The following PAX2 variants were observed in gnomAD, a reference collection of about 807,000 sequenced individuals.
PAX2 encodes paired box 2.
PAX2 carries 9 observed loss-of-function variants against 41.7 expected under a neutral mutation model. The observed-to-expected ratio is 0.22, with a 90% CI of 0.13 to 0.38. The LOEUF is 0.38. PAX2 is among the 10% of genes least tolerant of loss of function. The probability of loss-of-function intolerance (pLI) is 1.00; values close to 1 mark genes in which losing one functional copy is unlikely to be tolerated. For synonymous variants in PAX2, 221 were observed against 212.7 expected (o/e 1.04, Z -0.34); for missense variants, 418 against 531.6 (o/e 0.79, Z 2.10).
chr10:100,745,060 T>C (rs1056593742), upstream of PAX2, among the ~76,000 whole-genome samples: 27 of 141,640 alleles, frequency 1.9e-4, no homozygotes, highest in African/African-American at 6.8e-4. Flanking sequence ...GGTGGTGGGG[T>C]TGGGGCTAGG....
chr10:100,800,616 C>A (rs975008523), intron 5 of PAX2, among the ~76,000 whole-genome samples: 2 of 152,212 alleles, frequency 1.3e-5, no homozygotes, highest in African/African-American at 4.8e-5. Flanking sequence ...CCAACTGTCT[C>A]TTGTCCCTTG....
chr10:100,747,518 C>T (rs1032399536), intron 1 of PAX2: 179 of 570,154 alleles, frequency 3.1e-4, no homozygotes, highest in Non-Finnish European at 3.8e-4. Context: ...ATAGAAAACT[C>T]CTCCCTATCT....
chr10:100,821,377 G>A (rs111560479), intron 7 of PAX2, among the ~76,000 whole-genome samples: 5 of 152,208 alleles, frequency 3.3e-5, no homozygotes, highest in South Asian at 2.1e-4. Context: ...TATAGACTCC[G>A]CAGCAGCAGG....
chr10:100,823,831 T>C (rs1848450349), intron 7 of PAX2, among the ~76,000 whole-genome samples: 1 of 152,118 alleles, frequency 6.6e-6, no homozygotes, highest in Non-Finnish European at 1.5e-5. Context: ...CCAGAGGACA[T>C]GTCGGTGGAC....
At chr10:100,779,366 G>A in intron 3 of PAX2, 132 bp from the exon 4 acceptor site, 2 of 801,030 alleles carry the variant, frequency 2.5e-6, no homozygotes, top group Non-Finnish European at 2.2e-6. Context: ...AGTGAGGGCA[G>A]GGACACAGGG....
rs1248378093 is a variant in PAX2, at chr10:100,827,596, G to A, written c.1162G>A (p.Ala388Thr). Residue 388 changes from alanine to threonine, a missense_variant, in exon 10 of 10, where the codon GCC becomes ACC. Physicochemically the swap from Ala to Thr is moderately conservative, Grantham distance 58 (BLOSUM62 0). Around this residue, in one of 2 missense-constraint regions of PAX2, gnomAD observed 310 missense variants for 325.2 expected, o/e 0.95. Coordinates refer to ENST00000355243, the MANE Select transcript of PAX2 (RefSeq NM_000278.5). This position sits in a 1 kb window ranked among gnomAD's most constrained non-coding sequence, Gnocchi z 8.5. ...CCGGGGCTCCGCCCCTGCCGCTGCT[G>A]CCGCTGCCTATGACCGCCACTAGTT... ...APRGSAPAAA[A>T]AAYDRH The A allele has an allele frequency of 1.2e-6, 2 of 1,613,472 alleles. No individual in the cohort carries two copies. Among genetic ancestry groups the A allele is most frequent in the African/African-American group, 2.7e-5 (2 of 74,818 alleles).
chr10:100,780,019 C>T (rs1846549079), intron 4 of PAX2, among the ~76,000 whole-genome samples: 1 of 151,968 alleles, frequency 6.6e-6, no homozygotes, highest in African/African-American at 2.4e-5. Context: ...CCATCTTGTT[C>T]TTAACATTGT....
At chr10:100,751,090 G>A (rs1408740635) in intron 3 of PAX2, among the ~76,000 whole-genome samples, 199 bp downstream of exon 3, 1 of 152,156 alleles carries the variant, frequency 6.6e-6, no homozygotes, top group Admixed American at 6.5e-5. Flanking sequence ...GCAGTTCAGG[G>A]CTGGGTATTC....
At chr10:100,766,972 A>G (rs1200292020) in intron 3 of PAX2, among the ~76,000 whole-genome samples, 1 of 152,218 alleles carries the variant, frequency 6.6e-6, no homozygotes, top group Non-Finnish European at 1.5e-5. Flanking sequence ...CCACCAAACA[A>G]TACTCAAATT....
rs1176142771 is a variant in PAX2, at chr10:100,808,827, C to T, written c.793-283C>T. Among the ~76,000 whole-genome samples, 6 of 152,276 alleles carry T rather than the reference C, an allele frequency of 3.9e-5. No homozygotes were observed. The South Asian group carries it at 6.2e-4, about 16-fold the overall frequency. On this transcript the variant is annotated intron_variant, in intron 6 of 9. Transcript: ENST00000355243. Reference sequence around the variant, plus strand: ...GGTATCCCCACTACTACACCCTACCCGCAGGGGTGCTTAGGCAGGAGATGC... The same window carrying T: ...GGTATCCCCACTACTACACCCTACCTGCAGGGGTGCTTAGGCAGGAGATGC...
chr10:100,807,532 A>C (rs1227147329), intron 6 of PAX2, among the ~76,000 whole-genome samples: 1 of 150,960 alleles, frequency 6.6e-6, no homozygotes, highest in Non-Finnish European at 1.5e-5. Context: ...CTCACACACC[A>C]CCGCCCACCT....
chr10:100,807,682 CA>C, intron 6 of PAX2, among the ~76,000 whole-genome samples: 1 of 152,300 alleles, frequency 6.6e-6, no homozygotes, highest in Middle Eastern at 3.4e-3. Context: ...GTGGAGCCCC[CA>C]GCACACCCGC....
At chr10:100,809,037 C>T in intron 6 of PAX2, 73 bp from the exon 7 acceptor site, 2 of 1,447,996 alleles carry the variant, frequency 1.4e-6, no homozygotes, top group Non-Finnish European at 9.7e-7. Context: ...TGTTCCTCCT[C>T]CCCATCTGCA....
intron 3 of PAX2, among the ~76,000 whole-genome samples, chr10:100,767,350 A>G (rs1341233772): frequency 6.6e-6 from 1 of 152,206 alleles, no homozygotes; most frequent in Admixed American, 6.5e-5. Context: ...CATCACCTCT[A>G]ATAAGGCCTC....
At chr10:100,755,978 C>T (rs563905331) in intron 3 of PAX2, among the ~76,000 whole-genome samples, 2 of 152,232 alleles carry the variant, frequency 1.3e-5, no homozygotes, top group Non-Finnish European at 2.9e-5. Flanking sequence ...AAAATAGACC[C>T]AGGGAATGAC....
chr10:100,735,593 G>C (rs1417382859), exon 1 of PAX2: 1 of 873,668 alleles, frequency 1.1e-6, no homozygotes, highest in Non-Finnish European at 1.4e-6. Flanking sequence ...GTGTTGGGTG[G>C]CTGCGCCCAG....
chr10:100,782,289 C>T (rs1476783196), intron 5 of PAX2, among the ~76,000 whole-genome samples: 2 of 152,210 alleles, frequency 1.3e-5, no homozygotes, highest in African/African-American at 4.8e-5. Context: ...AAAGGGGTGA[C>T]CATCTATCCC....
At chr10:100,770,461 C>T (rs921106590) in intron 3 of PAX2, among the ~76,000 whole-genome samples, 21 of 152,202 alleles carry the variant, frequency 1.4e-4, no homozygotes, top group African/African-American at 4.6e-4. Context: ...AGACTGGTTT[C>T]CAAATGGTTA....
intron 1 of PAX2, chr10:100,749,086 A>T (rs1564705574): frequency 1.0e-6 from 1 of 985,390 alleles, no homozygotes; most frequent in Non-Finnish European, 1.2e-6. Flanking sequence ...AAAGAGAGAT[A>T]CGGTCCCCCT....
Sources: allele counts gnomAD v4.1 joint callset (sites outside exome capture counted in the v4.1 genomes callset), GRCh38; gene constraint gnomAD v4.1.1; regional missense constraint gnomAD v4.1.1; non-coding constraint Gnocchi (gnomAD v3.1); transcripts MANE v1.5; gene names NCBI Gene and HGNC (gene_info 2026-07-23, HGNC 2026-07-21).